PMM2: variants seen among roughly 807,000 people sequenced by gnomAD.
PMM2 encodes phosphomannomutase 2, also known as mannose-6-phosphate isomerase.
PMM2 carries 35 observed loss-of-function variants against 33.2 expected under a neutral mutation model. The ratio of observed to expected loss-of-function variants is 1.06; its 90% confidence interval spans 0.81 to 1.40. The LOEUF (loss-of-function observed/expected upper bound fraction) is 1.40, where lower values mean the gene tolerates loss of function less well. Ranked by LOEUF, PMM2 falls within the 40% of genes most tolerant of loss-of-function variation. The probability of loss-of-function intolerance (pLI) is 0.00; values close to 1 mark genes in which losing one functional copy is unlikely to be tolerated. For synonymous variants in PMM2, 153 were observed against 114.7 expected, an observed-to-expected ratio of 1.33 and a Z score of -2.13; for missense variants, 386 against 306.0, an observed-to-expected ratio of 1.26 and a Z score of -1.95.
At chr16:8,840,249 A>T (rs1208492517) in intron 7 of PMM2, among the ~76,000 whole-genome samples, 1 of 151,930 alleles carries the variant, frequency 6.6e-6, no homozygotes, top group Non-Finnish European at 1.5e-5. Context: ...TATAAAAGTA[A>T]AGAATAGAAC....
intron 7 of PMM2, among the ~76,000 whole-genome samples, chr16:8,846,865 C>CATTT (rs1398295516): frequency 6.6e-6 from 1 of 152,008 alleles, no homozygotes; most frequent in African/African-American, 2.4e-5. Flanking sequence ...CATGTGGGGC[C>CATTT]ATTTATTTAT....
chr16:8,844,427 C>G (rs1567170805), intron 7 of PMM2, among the ~76,000 whole-genome samples: 1 of 152,012 alleles, frequency 6.6e-6, no homozygotes, highest in Non-Finnish European at 1.5e-5. Flanking sequence ...GTTTGGGGTA[C>G]TTGCCTCTCC....
intron 6 of PMM2, among the ~76,000 whole-genome samples, chr16:8,812,637 G>A (rs1370579128): frequency 6.6e-6 from 1 of 152,172 alleles, no homozygotes; most frequent in Admixed American, 6.5e-5. Context: ...CCCCCTGAGG[G>A]TGTGTTAAAG....
intron 7 of PMM2, among the ~76,000 whole-genome samples, chr16:8,836,827 A>C (rs907536845): frequency 6.6e-5 from 10 of 151,992 alleles, no homozygotes; most frequent in African/African-American, 2.4e-4. Flanking sequence ...TTTATATTTG[A>C]TGAAAAAGAA....
In PMM2 at chr16:8,806,411, G is replaced by T; in HGVS notation, c.347+4G>T. On this transcript the variant is annotated splice_donor_region_variant and intron_variant, in intron 4 of 7. Transcript: ENST00000268261. Reference sequence around the variant, plus strand: ...AAATTAAACTCCCGAAGAAGAGGTGGGTTTGCTTTTAACAAAGAGGCGTCA... The same window carrying T: ...AAATTAAACTCCCGAAGAAGAGGTGTGTTTGCTTTTAACAAAGAGGCGTCA... 5 of 1,603,124 alleles carry T rather than the reference G, an allele frequency of 3.1e-6. No individual in the cohort carries two copies. The highest frequency in any genetic ancestry group is 4.3e-6 in the Non-Finnish European group (5 of 1,170,018).
Position 8,811,616 on chromosome 16 carries a change from G to C in PMM2, c.448-22G>C, listed in dbSNP as rs773061971. On this transcript the variant is annotated intron_variant, in intron 5 of 7. Transcript: ENST00000268261. The stretch of plus-strand genomic sequence containing the variant: ...CTAAACTGCAATACAAGAAACAATT[G>C]GTATCTTTTTGTTTTTCTCAGAAAG... 6.8e-6 allele frequency: 10 copies of C among 1,465,102 alleles called. No homozygotes were observed. In the South Asian group the frequency reaches 1.0e-4, roughly 15 times the overall value. The allele number at this position is 1,465,102 out of a possible 1,614,324, so 90.8% of individuals were successfully genotyped here.
At chr16:8,842,539 C>G (rs983115247) in intron 7 of PMM2, among the ~76,000 whole-genome samples, 1 of 152,090 alleles carries the variant, frequency 6.6e-6, no homozygotes, top group Admixed American at 6.5e-5. Flanking sequence ...GAGGCTGGGA[C>G]AAGGGGTGCA....
intron 1 of PMM2, among the ~76,000 whole-genome samples, chr16:8,799,626 C>G (rs2060600800): frequency 1.3e-5 from 2 of 152,098 alleles, no homozygotes; most frequent in Non-Finnish European, 2.9e-5. Context: ...CAGTTCACTG[C>G]AACCTCCACC....
chr16:8,827,897 TGATATATATTA>T (rs2060785376), intron 7 of PMM2, among the ~76,000 whole-genome samples: 1 of 40,260 alleles, frequency 2.5e-5, no homozygotes, highest in Non-Finnish European at 5.1e-5. Context: ...ATGATATATA[TGATATATATTA>T]TATATATTAT....
At chr16:8,826,390 A>T (rs928238086) in intron 7 of PMM2, among the ~76,000 whole-genome samples, 1 of 152,056 alleles carries the variant, frequency 6.6e-6, no homozygotes, top group Non-Finnish European at 1.5e-5. Context: ...ATAAAGTCTG[A>T]CTCTCTCTGG....
At chr16:8,828,249 C>A (rs1019339980) in intron 7 of PMM2, among the ~76,000 whole-genome samples, 1 of 151,572 alleles carries the variant, frequency 6.6e-6, no homozygotes, top group Non-Finnish European at 1.5e-5. Flanking sequence ...GATTTAGAAT[C>A]TCCCCAAACG....
chr16:8,830,721 G>C (rs1350323233), intron 7 of PMM2, among the ~76,000 whole-genome samples: 2 of 152,224 alleles, frequency 1.3e-5, no homozygotes, highest in African/African-American at 4.8e-5. Flanking sequence ...GCAGCCAGAG[G>C]CTCCGTGGCT....
chr16:8,842,943 G>T (rs111671904), intron 7 of PMM2, among the ~76,000 whole-genome samples: 1 of 151,988 alleles, frequency 6.6e-6, no homozygotes, highest in East Asian at 1.9e-4. Flanking sequence ...GGGTTAAGGT[G>T]GGGGGATATG....
chr16:8,808,195 G>A (rs144107881), intron 4 of PMM2: 2 of 152,304 alleles, frequency 1.3e-5, no homozygotes, highest in Non-Finnish European at 1.5e-5. Flanking sequence ...AGGCCTGCAT[G>A]AGACAGGCTG....
chr16:8,802,791 T>A (rs2060623376), intron 2 of PMM2, among the ~76,000 whole-genome samples: 1 of 151,242 alleles, frequency 6.6e-6, no homozygotes, highest in Non-Finnish European at 1.5e-5. Flanking sequence ...GATCACACCA[T>A]TGCACTCCAG....
chr16:8,822,326 T>G (rs2141030402), intron 7 of PMM2, among the ~76,000 whole-genome samples: 1 of 152,320 alleles, frequency 6.6e-6, no homozygotes, highest in Non-Finnish European at 1.5e-5. Context: ...GGCACAATCT[T>G]AGGTTTTATG....
intron 7 of PMM2, among the ~76,000 whole-genome samples, chr16:8,830,896 T>C (rs1420229985): frequency 2.6e-5 from 4 of 152,160 alleles, no homozygotes; most frequent in African/African-American, 9.7e-5. Context: ...CCCAGCACTT[T>C]GAGAGGCTGA....
intron 1 of PMM2, among the ~76,000 whole-genome samples, chr16:8,801,215 A>G (rs1596483772): frequency 6.6e-6 from 1 of 152,240 alleles, no homozygotes; most frequent in African/African-American, 2.4e-5. Flanking sequence ...GGGTATATAA[A>G]TGCATAGAAA....
intron 7 of PMM2, among the ~76,000 whole-genome samples, chr16:8,821,483 C>T (rs1482547718): frequency 6.6e-6 from 1 of 152,222 alleles, no homozygotes; most frequent in Non-Finnish European, 1.5e-5. Flanking sequence ...TGCTGAAGCT[C>T]TTTCATTCAG....
Sources: allele counts gnomAD v4.1 joint callset (sites outside exome capture counted in the v4.1 genomes callset), GRCh38; gene constraint gnomAD v4.1.1; transcripts MANE v1.5; gene names NCBI Gene and HGNC (gene_info 2026-07-23, HGNC 2026-07-21).